The following PCP4 variants were observed in gnomAD, a reference collection of about 807,000 sequenced individuals.
The protein encoded by PCP4 is Purkinje cell protein 4.
A neutral mutation model predicts 10.0 loss-of-function variants in PCP4; 8 were observed. That is an observed-to-expected ratio of 0.80 (90% CI 0.47 to 1.45). The LOEUF is 1.45. Ranked by LOEUF, PCP4 falls within the 40% of genes most tolerant of loss-of-function variation. The pLI is 0.00. For missense variants in PCP4, 54 were observed against 74.4 expected (o/e 0.73, Z 1.01); for synonymous variants, 21 against 23.0 (o/e 0.91, Z 0.24).
rs374815599 is a variant in PCP4 at position 39,867,466 on chromosome 21, T to C, written c.-36T>C. ...GACCCCTGAGCAGTGTTCTCTGTGC[T>C]GAGCGGCGGGACTGAGCTGTTGAGT... On this transcript the variant is annotated 5_prime_UTR_variant, in exon 1 of 3. Transcript: ENST00000328619. 13 of 1,613,720 alleles carry C rather than the reference T, an allele frequency of 8.1e-6. No individual in the cohort carries two copies. In the African/African-American group the frequency reaches 1.7e-4, roughly 22 times the overall value.
intron 2 of PCP4, among the ~76,000 whole-genome samples, chr21:39,911,960 A>G (rs367622812): frequency 6.6e-6 from 1 of 152,236 alleles, no homozygotes; most frequent in Non-Finnish European, 1.5e-5. Flanking sequence ...ACGGCCTATT[A>G]GGTCACCCCG....
intron 2 of PCP4, among the ~76,000 whole-genome samples, chr21:39,917,240 A>G (rs2087572433): frequency 6.6e-6 from 1 of 152,214 alleles, no homozygotes; most frequent in Non-Finnish European, 1.5e-5. Context: ...GGCATGTGCC[A>G]CCAGGCAAAG....
intron 1 of PCP4, among the ~76,000 whole-genome samples, chr21:39,894,858 G>A (rs2087449268): frequency 6.6e-6 from 1 of 152,088 alleles, no homozygotes; most frequent in African/African-American, 2.4e-5. Flanking sequence ...CTCCTATTTG[G>A]GGATGAGAGT....
At chr21:39,910,346 G>A (rs2087533643) in intron 2 of PCP4, among the ~76,000 whole-genome samples, 1 of 152,118 alleles carries the variant, frequency 6.6e-6, no homozygotes, top group Non-Finnish European at 1.5e-5. Context: ...GCTAATCATC[G>A]TGGGACCATG....
At position 39,929,119 on chromosome 21, in the gene PCP4, AC is replaced by A. The variant is rs759616743; in HGVS notation, c.*13del. On this transcript the variant is annotated 3_prime_UTR_variant, in exon 3 of 3. Coordinates refer to ENST00000328619, the MANE Select transcript of PCP4 (RefSeq NM_006198.3). ...GCTGGGTCTCAGTCCTAGTGGGAGA[AC>A]CCCCTCCTAGTCCACCTGAAAACAC... 2.8e-5 allele frequency: 45 copies of A among 1,608,080 alleles called. No homozygotes were observed. Among genetic ancestry groups the A allele is most frequent in the Non-Finnish European group, 3.7e-5 (43 of 1,176,996 alleles).
At position 39,898,280 on chromosome 21, in the gene PCP4, C is replaced by T. The variant is rs115023166; in HGVS notation, c.10-196C>T. 3.0e-3 allele frequency: 1,923 copies of T among 643,760 alleles called. 27 individuals carry two copies. The African/African-American group carries it at 0.031, about 10-fold the overall frequency. 39.9% of individuals were successfully genotyped at this position (643,760 alleles called of 1,614,324 possible). A position where few individuals can be genotyped will look rare whatever the true frequency, so the allele number is the denominator to read the frequency against. ...GAGCAGTGGATGTGGATGAGGGGGC[C>T]GGTCTGTGCAGCTTCAGTACATCCT... On this transcript the variant is annotated intron_variant, in intron 1 of 2. Coordinates refer to ENST00000328619, the MANE Select transcript of PCP4 (RefSeq NM_006198.3).
At chr21:39,904,839 G>A (rs940564381) in intron 2 of PCP4, among the ~76,000 whole-genome samples, 6 of 152,122 alleles carry the variant, frequency 3.9e-5, no homozygotes, top group African/African-American at 1.4e-4. Context: ...TGCCAATTCT[G>A]CACAAATCTC....
intron 2 of PCP4, among the ~76,000 whole-genome samples, chr21:39,915,305 T>C (rs1043848524): frequency 1.3e-5 from 2 of 152,064 alleles, no homozygotes; most frequent in East Asian, 1.9e-4. Context: ...AGAAACTGAA[T>C]GGATGCACGT....
intron 1 of PCP4, among the ~76,000 whole-genome samples, chr21:39,885,605 C>T (rs2837266): frequency 1.3e-5 from 2 of 152,242 alleles, no homozygotes; most frequent in East Asian, 3.9e-4. Flanking sequence ...AGCCCATGCC[C>T]GTGGAGTCAC....
At chr21:39,908,182 G>A (rs960315799) in intron 2 of PCP4, among the ~76,000 whole-genome samples, 2 of 152,140 alleles carry the variant, frequency 1.3e-5, no homozygotes, top group Non-Finnish European at 2.9e-5. Flanking sequence ...GTAATTGGCT[G>A]GCTTAGTATT....
intron 1 of PCP4, among the ~76,000 whole-genome samples, chr21:39,891,823 T>C (rs1207036456): frequency 6.6e-6 from 1 of 152,248 alleles, no homozygotes; most frequent in Non-Finnish European, 1.5e-5. Flanking sequence ...TCTGCACTTA[T>C]AAGAAAGATC....
chr21:39,924,398 G>C (rs2146351788), intron 2 of PCP4, among the ~76,000 whole-genome samples: 1 of 152,272 alleles, frequency 6.6e-6, no homozygotes, highest in East Asian at 1.9e-4. Flanking sequence ...CCCAAATTCA[G>C]ATTTTACCTG....
Position 39,875,455 on chromosome 21 carries a change from G to A in PCP4, c.9+7945G>A, listed in dbSNP as rs559704226. Reference sequence around the variant, plus strand: ...CGATGGTGTGGAGCCTTCCTTTACAGATCATAACTCTGCATCTTCCAGAGA... The same window carrying A: ...CGATGGTGTGGAGCCTTCCTTTACAAATCATAACTCTGCATCTTCCAGAGA... On this transcript the variant is annotated intron_variant, in intron 1 of 2. Transcript: ENST00000328619. 1.2e-3 allele frequency among the ~76,000 whole-genome samples: 186 copies of A among 152,274 alleles called. 1 individual carries two copies. The highest frequency in any genetic ancestry group is 8.5e-3 in the South Asian group (41 of 4,826).
intron 2 of PCP4, among the ~76,000 whole-genome samples, chr21:39,900,818 A>G (rs992814840): frequency 6.6e-6 from 1 of 152,132 alleles, no homozygotes. Flanking sequence ...CCATAGGGTC[A>G]TTCTCAGGGT....
chr21:39,888,571 G>A (rs139755953), intron 1 of PCP4, among the ~76,000 whole-genome samples: 135 of 152,332 alleles, frequency 8.9e-4, no homozygotes, highest in African/African-American at 3.0e-3. Context: ...ACAGTCAGTG[G>A]TTGGCACACC....
intron 1 of PCP4, among the ~76,000 whole-genome samples, chr21:39,887,767 G>A (rs558395078): frequency 2.3e-4 from 35 of 152,078 alleles, no homozygotes; most frequent in Non-Finnish European, 4.9e-4. Flanking sequence ...ATTAGCCTTC[G>A]TCAAAATAAC....
In PCP4 at chr21:39,929,166, C is replaced by G. The variant is rs2087639424; in HGVS notation, c.*55C>G. The G allele has an allele frequency of 6.4e-7, 1 of 1,558,920 alleles. No homozygotes were observed. On this transcript the variant is annotated 3_prime_UTR_variant, in exon 3 of 3. Coordinates refer to ENST00000328619, the MANE Select transcript of PCP4 (RefSeq NM_006198.3). ...AACACCAAATTCAACCATCATCTGT[C>G]AAGAAATTAAAAGAACAACACCCTA...
At chr21:39,899,889 C>T (rs1221101889) in intron 2 of PCP4, among the ~76,000 whole-genome samples, 1 of 152,156 alleles carries the variant, frequency 6.6e-6, no homozygotes, top group Non-Finnish European at 1.5e-5. Flanking sequence ...CATAGGGGAG[C>T]ATAGGGCGCT....
Position 39,898,440 on chromosome 21 carries a change from TAAC to T in PCP4, c.10-33_10-31del, listed in dbSNP as rs747551110. 2.6e-6 allele frequency: 4 copies of T among 1,566,018 alleles called. No individual in the cohort carries two copies. The East Asian group carries it at 9.0e-5, about 35-fold the overall frequency. ...CAAAAGTAATCCCGAGTATATCTGA[TAAC>T]AATTGCTTTTTTCTTTTATTTTTTG... On this transcript the variant is annotated intron_variant, in intron 1 of 2. Transcript: ENST00000328619.
Sources: allele counts gnomAD v4.1 joint callset (sites outside exome capture counted in the v4.1 genomes callset), GRCh38; gene constraint gnomAD v4.1.1; transcripts MANE v1.5; gene names NCBI Gene and HGNC (gene_info 2026-07-23, HGNC 2026-07-21).